The following AARS2 variants were observed in gnomAD, a reference collection of about 807,000 sequenced individuals.
The protein encoded by AARS2 is alanyl-tRNA synthetase 2, mitochondrial.
AARS2 carries 78 observed loss-of-function variants against 119.7 expected under a neutral mutation model. The observed-to-expected ratio is 0.65, with a 90% CI of 0.54 to 0.79. AARS2 has a LOEUF of 0.79. Ranked by LOEUF, AARS2 falls within the 30% of genes least tolerant of loss-of-function variation. AARS2 has a pLI of 0.00. For missense variants in AARS2, 1,157 were observed against 1,291.3 expected (o/e 0.90, Z 1.59); for synonymous variants, 502 against 526.3 (o/e 0.95, Z 0.63).
chr6:44,306,310 T>G lies in AARS2; in HGVS notation c.1270A>C (p.Arg424=). 6.2e-7 allele frequency: 1 copy of G among 1,614,110 alleles called. No individual in the cohort carries two copies. The highest frequency in any genetic ancestry group is 1.3e-5 in the African/African-American group (1 of 75,034). Residue 424 remains arginine (R), a synonymous_variant, in exon 9 of 22, where the codon AGG becomes CGG. Transcript: ENST00000244571. The stretch of plus-strand genomic sequence containing the variant: ...AACATATCTGAAGGCCCCAGGGTCC[T>G]CAGAGTCCGATCAATGATCCGCCTA... ...RGRRIIDRTL[R]TLGPSDMFPA...
rs937089889 is a variant in AARS2 at position 44,304,531 on chromosome 6, G to A, written c.1755C>T (p.Asp585=). The A allele has an allele frequency of 1.2e-5, 19 of 1,614,022 alleles. No individual in the cohort carries two copies. The African/African-American group carries it at 1.3e-4, about 11-fold the overall frequency. ...GGGCCCGGGCTACTGGGAACAGCAC[G>A]TCCTGAGGGAGGGTAGTGGTCAAGG... The part of the protein sequence containing the change: ...RGYLVRAGQE[D]VLFPVARAQV... Residue 585 remains aspartate (D), a splice_region_variant and synonymous_variant, in exon 13 of 22, where the codon GAC becomes GAT. Coordinates refer to ENST00000244571, the MANE Select transcript of AARS2 (RefSeq NM_020745.4).
At position 44,304,489 on chromosome 6, in the gene AARS2, G is replaced by A. The variant is rs766929882; in HGVS notation, c.1797C>T (p.Phe599=). The A allele has an allele frequency of 2.5e-6, 4 of 1,614,086 alleles. No individual in the cohort carries two copies. The East Asian group carries it at 8.9e-5, about 36-fold the overall frequency. ...CAGGGGCTACTGCCTCATGCAGGAT[G>A]AAACCTCCACAGACCTGGGCCCGGG... ...PVARAQVCGG[F]ILHEAVAPEC... The change falls in exon 13 of 22, where the codon TTC becomes TTT. Residue 599 remains phenylalanine, a synonymous_variant. Coordinates refer to ENST00000244571, the MANE Select transcript of AARS2 (RefSeq NM_020745.4).
At chr6:44,302,579 T>C in intron 17 of AARS2, 66 bp from the exon 18 acceptor site, 3 of 1,608,226 alleles carry the variant, frequency 1.9e-6, no homozygotes, top group Non-Finnish European at 2.5e-6. Context: ...TCTCAACTCA[T>C]TACTGGTCAG....
intron 1 of AARS2, among the ~76,000 whole-genome samples, chr6:44,312,842 C>G (rs939642524): frequency 6.6e-6 from 1 of 152,196 alleles, no homozygotes; most frequent in Admixed American, 6.5e-5. Flanking sequence ...CGGGATTCCA[C>G]TCCAGCCATT....
At chr6:44,302,969 A>G in intron 16 of AARS2, 59 bp from the exon 17 acceptor site, 1 of 1,594,594 alleles carries the variant, frequency 6.3e-7, no homozygotes, top group Non-Finnish European at 8.6e-7. Flanking sequence ...GGGAGAAGCC[A>G]GCGTGCATCT....
intron 18 of AARS2, 78 bp from the exon 19 acceptor site, chr6:44,302,248 A>G: frequency 6.2e-7 from 1 of 1,607,448 alleles, no homozygotes; most frequent in Non-Finnish European, 8.5e-7. Context: ...AGGGCCAGGG[A>G]AGACACCCAC....
chr6:44,304,554 A>C (rs749130006), intron 12 of AARS2, 21 bp from the exon 13 acceptor site: 3 of 1,614,058 alleles, frequency 1.9e-6, no homozygotes, highest in Non-Finnish European at 2.5e-6. Context: ...GTAGTGGTCA[A>C]GGTGCCTGTA....
Position 44,301,264 on chromosome 6 carries a change from C to G in AARS2, c.2685G>C (p.Val895=). ...ACAGCTGCCGTACCACCTTCACCAG[C>G]ACCTGGACCACGAAAGACAGATGGT... The part of the protein sequence containing the change: ...VDTVSAESLS[V]LVKVVRQLCE... The change falls in exon 21 of 22, where the codon GTG becomes GTC. Residue 895 remains valine (V), a splice_region_variant and synonymous_variant. Coordinates refer to ENST00000244571, the MANE Select transcript of AARS2 (RefSeq NM_020745.4). 2 of 1,613,986 alleles carry G rather than the reference C, an allele frequency of 1.2e-6. No homozygotes were observed. The highest frequency in any genetic ancestry group is 1.7e-6 in the Non-Finnish European group (2 of 1,179,992).
Position 44,301,150 on chromosome 6 carries a change from C to T in AARS2, c.2793+6G>A. 1.9e-6 allele frequency: 3 copies of T among 1,612,256 alleles called. No homozygotes were observed. Among genetic ancestry groups the T allele is most frequent in the Non-Finnish European group, 2.5e-6 (3 of 1,179,052 alleles). ...GGGCGGTGGGCTGCTCTCCCACTTCCCTCACCTGGGCCACCTGACAGGCAC... is the reference window on the plus strand; with the variant it reads ...GGGCGGTGGGCTGCTCTCCCACTTCTCTCACCTGGGCCACCTGACAGGCAC... On this transcript the variant is annotated splice_donor_region_variant and intron_variant, in intron 21 of 21. Transcript: ENST00000244571.
Position 44,306,984 on chromosome 6 carries a change from T to C in AARS2, c.1088A>G (p.Glu363Gly), listed in dbSNP as rs1345635536. ...ILRRAVRFSM[E>G]ILKAPPGFLG... ...GAAGCCAGGTGGTGCCTTTAAGATC[T>C]CCATGGAGAAACGCACAGCTCGACG... is the stretch of plus-strand genomic sequence containing the variant. The change falls in exon 7 of 22, where the codon GAG becomes GGG. Residue 363 changes from glutamate (E) to glycine (G), a missense_variant. Coordinates refer to ENST00000244571, the MANE Select transcript of AARS2 (RefSeq NM_020745.4). 1 of 1,613,682 alleles carries C rather than the reference T, an allele frequency of 6.2e-7. No homozygotes were observed.
At chr6:44,301,298 C>G in intron 20 of AARS2, 32 bp from the exon 21 acceptor site, 1 of 1,613,552 alleles carries the variant, frequency 6.2e-7, no homozygotes, top group South Asian at 1.1e-5. Context: ...GTGAGCCCAT[C>G]GCTTCCCAGA....
In AARS2 at chr6:44,304,232, C is replaced by T. The variant is rs1228228406; in HGVS notation, c.1956G>A (p.Gln652=). The T allele has an allele frequency of 1.9e-6, 3 of 1,614,122 alleles. No homozygotes were observed. Among genetic ancestry groups the T allele is most frequent in the Non-Finnish European group, 1.7e-6 (2 of 1,180,026 alleles). ...GCTCAGGATTGAGATGGGAGCCCTGCTGCTCTGTGCCAGGGCCCAGGGTCT... is the reference window on the plus strand; with the variant it reads ...GCTCAGGATTGAGATGGGAGCCCTGTTGCTCTGTGCCAGGGCCCAGGGTCT... The part of the protein sequence containing the change: ...LRQTLGPGTE[Q]QGSHLNPEQL... The change falls in exon 14 of 22, where the codon CAG becomes CAA. Residue 652 remains glutamine (Q), a synonymous_variant. Coordinates refer to ENST00000244571, the MANE Select transcript of AARS2 (RefSeq NM_020745.4).
intron 14 of AARS2, 145 bp from the exon 15 acceptor site, chr6:44,303,568 C>A: frequency 7.9e-7 from 1 of 1,261,012 alleles, no homozygotes; most frequent in African/African-American, 1.5e-5. Context: ...TCAATAAACA[C>A]TACCTGAGCA....
chr6:44,302,342 G>C (rs778471192), intron 18 of AARS2, 49 bp downstream of exon 18: 15 of 1,613,650 alleles, frequency 9.3e-6, no homozygotes, highest in Admixed American at 1.7e-5. Flanking sequence ...GGAGGAATAG[G>C]GGAGGTAATA....
rs1480490090 is a variant in AARS2, at chr6:44,302,510, G to C, written c.2368C>G (p.Arg790Gly). The change falls in exon 18 of 22, where the codon CGA becomes GGA. Residue 790 changes from arginine (R) to glycine (G), a missense_variant. By Grantham distance (125) the Arg-to-Gly change is moderately radical. Coordinates refer to ENST00000244571, the MANE Select transcript of AARS2 (RefSeq NM_020745.4). Reference sequence around the variant, plus strand: ...TGGGCCAGGCTCTGGCCTAGCTCTCGGGCCTGCAGGGAGGGGACAGGAGGG... The same window carrying C: ...TGGGCCAGGCTCTGGCCTAGCTCTCCGGCCTGCAGGGAGGGGACAGGAGGG... The part of the protein sequence containing the change: ...AVTGEQAQQA[R>G]ELGQSLAQEV... 6.2e-7 allele frequency: 1 copy of C among 1,613,956 alleles called. No homozygotes were observed. Among genetic ancestry groups the C allele is most frequent in the Non-Finnish European group, 8.5e-7 (1 of 1,179,986 alleles).
chr6:44,303,973 T>C (rs1785595112), intron 14 of AARS2, among the ~76,000 whole-genome samples: 1 of 152,132 alleles, frequency 6.6e-6, no homozygotes. Context: ...ACATCAGAGC[T>C]GGGCGAGGCC....
At chr6:44,306,775 G>T in intron 7 of AARS2, 148 bp downstream of exon 7, 1 of 867,398 alleles carries the variant, frequency 1.2e-6, no homozygotes, top group Non-Finnish European at 1.9e-6. Flanking sequence ...AGCAAGGACA[G>T]CTTTCTTAGC....
At position 44,303,501 on chromosome 6, in the gene AARS2, C is replaced by G; in HGVS notation, c.2008-78G>C. On this transcript the variant is annotated intron_variant, in intron 14 of 21. Coordinates refer to ENST00000244571, the MANE Select transcript of AARS2 (RefSeq NM_020745.4). ...TCTAACTGATGCATTGAAACACGGTCAATGTTCACTGAGCTATCCCCAGGT... is the reference window on the plus strand; with the variant it reads ...TCTAACTGATGCATTGAAACACGGTGAATGTTCACTGAGCTATCCCCAGGT... 4 of 1,603,892 alleles carry G rather than the reference C, an allele frequency of 2.5e-6. No homozygotes were observed. In the South Asian group the frequency reaches 4.4e-5, roughly 18 times the overall value.
At chr6:44,311,614 G>A in intron 2 of AARS2, 79 bp from the exon 3 acceptor site, 1 of 1,534,384 alleles carries the variant, frequency 6.5e-7, no homozygotes, top group Non-Finnish European at 9.0e-7. Flanking sequence ...AGCCACATGA[G>A]TTTAGCTCCC....
Sources: gnomAD v4.1 joint callset for allele counts (sites outside exome capture counted in the v4.1 genomes callset) on GRCh38, gnomAD v4.1.1 for gene constraint, MANE v1.5 for transcripts, NCBI Gene and HGNC (gene_info 2026-07-23, HGNC 2026-07-21) for gene names.